MAPK10: variants seen among roughly 807,000 people sequenced by gnomAD.
MAPK10 encodes JNK3 alpha protein kinase.
A neutral mutation model predicts 59.3 loss-of-function variants in MAPK10; 25 were observed. The ratio of observed to expected loss-of-function variants is 0.42; its 90% CI spans 0.31 to 0.59. The LOEUF (loss-of-function observed/expected upper bound fraction) is 0.59. Ranked by LOEUF, MAPK10 falls within the 20% of genes least tolerant of loss-of-function variation. The pLI, the probability that MAPK10 is intolerant of heterozygous loss-of-function variation, is 0.15. For synonymous variants in MAPK10, 190 were observed against 200.5 expected (o/e 0.95, Z 0.44); for missense variants, 351 against 568.9 (o/e 0.62, Z 3.90).
chr4:86,485,521 G>T (rs979680177), intron 1 of MAPK10, among the ~76,000 whole-genome samples: 2 of 152,146 alleles, frequency 1.3e-5, no homozygotes, highest in African/African-American at 4.8e-5. Context: ...CAGATGAATT[G>T]TGAAAGAATG....
intron 2 of MAPK10, among the ~76,000 whole-genome samples, chr4:86,339,544 T>A (rs532861243): frequency 6.6e-6 from 1 of 152,360 alleles, no homozygotes; most frequent in Non-Finnish European, 1.5e-5. Flanking sequence ...AACAGTCTAA[T>A]TTTCTTTTCC....
At chr4:86,373,150 C>A (rs574745163) in intron 1 of MAPK10, among the ~76,000 whole-genome samples, 3 of 152,232 alleles carry the variant, frequency 2.0e-5, no homozygotes, top group African/African-American at 7.2e-5. Flanking sequence ...CAAAAATAAG[C>A]AAAGGGGAAA....
At chr4:86,191,146 A>C (rs1446354584) in intron 3 of MAPK10, among the ~76,000 whole-genome samples, 1 of 152,194 alleles carries the variant, frequency 6.6e-6, no homozygotes, top group African/African-American at 2.4e-5. Context: ...GCATTTGCTG[A>C]GGAGTGTTTT....
chr4:86,266,591 T>C (rs2094246262), intron 2 of MAPK10, among the ~76,000 whole-genome samples: 1 of 152,152 alleles, frequency 6.6e-6, no homozygotes, highest in Non-Finnish European at 1.5e-5. Context: ...GTACACATCA[T>C]AAAAATATCC....
intron 2 of MAPK10, among the ~76,000 whole-genome samples, chr4:86,213,812 T>A (rs1008277451): frequency 2.0e-5 from 3 of 152,096 alleles, no homozygotes; most frequent in Non-Finnish European, 4.4e-5. Context: ...CTAACTCCAA[T>A]TATTTTCAAA....
intron 11 of MAPK10, among the ~76,000 whole-genome samples, chr4:86,046,281 T>C (rs1579110444): frequency 6.6e-6 from 1 of 151,340 alleles, no homozygotes; most frequent in East Asian, 2.0e-4. Flanking sequence ...GTCTTCCTAT[T>C]TGAATACGCT....
intron 9 of MAPK10, among the ~76,000 whole-genome samples, chr4:86,072,826 T>C (rs1425648680): frequency 1.1e-5 from 1 of 91,848 alleles, no homozygotes; most frequent in Non-Finnish European, 2.1e-5. Context: ...TGCATCGATG[T>C]TCATCGAGGA....
chr4:86,254,792 A>C (rs2093630372), intron 2 of MAPK10, among the ~76,000 whole-genome samples: 1 of 151,326 alleles, frequency 6.6e-6, no homozygotes, highest in East Asian at 1.9e-4. Context: ...GTCTCCCATT[A>C]TTAATGTGTG....
At position 86,398,552 on chromosome 4, in the gene MAPK10, T is replaced by A. The variant is rs557304770; in HGVS notation, c.-121-43908A>T. Among the ~76,000 whole-genome samples the A allele has an allele frequency of 1.2e-4, 19 of 152,318 alleles. No individual in the cohort carries two copies. The South Asian group carries it at 3.9e-3, about 32-fold the overall frequency. Reference sequence around the variant, plus strand: ...GGATGAATTCAAGTCAAAAGATTCTTACTTACCGCACATTTTTCTTACAAT... The same window carrying A: ...GGATGAATTCAAGTCAAAAGATTCTAACTTACCGCACATTTTTCTTACAAT... On this transcript the variant is annotated intron_variant, in intron 1 of 13. Transcript: ENST00000361569.
At chr4:86,221,201 A>T (rs1035328096) in intron 2 of MAPK10, among the ~76,000 whole-genome samples, 1 of 152,176 alleles carries the variant, frequency 6.6e-6, no homozygotes, top group African/African-American at 2.4e-5. Context: ...GGACCAAACT[A>T]AACAGAAGTG....
At chr4:86,349,334 T>A (rs1378790486) in intron 2 of MAPK10, among the ~76,000 whole-genome samples, 2 of 152,246 alleles carry the variant, frequency 1.3e-5, no homozygotes, top group East Asian at 1.9e-4. Context: ...TTTTTCTTCA[T>A]GTGTCTGTCT....
chr4:86,297,983 G>A (rs908447859), intron 2 of MAPK10, among the ~76,000 whole-genome samples: 1 of 152,114 alleles, frequency 6.6e-6, no homozygotes, highest in Non-Finnish European at 1.5e-5. Flanking sequence ...CTCTTTGAAC[G>A]CTTGTGCTTC....
chr4:86,224,161 T>G (rs1032116615), intron 2 of MAPK10, among the ~76,000 whole-genome samples: 1 of 152,206 alleles, frequency 6.6e-6, no homozygotes, highest in African/African-American at 2.4e-5. Context: ...AATGTTTTCA[T>G]GTAAAAAATA....
chr4:86,206,195 G>C (rs559776288), intron 2 of MAPK10, among the ~76,000 whole-genome samples: 3 of 146,776 alleles, frequency 2.0e-5, no homozygotes, highest in East Asian at 2.0e-4. Flanking sequence ...TCCCTCCCCC[G>C]TCCCCCCACC....
In MAPK10 at chr4:86,216,295, C is replaced by CACATACAT. The variant is rs376432598; in HGVS notation, c.-6-21889_-6-21888insATGTATGT. ...ATAGCACACACACATATATATATAGCATATATATATATATATATATATAGC... is the reference window on the plus strand; with the variant it reads ...ATAGCACACACACATATATATATAGCACATACATATATATATATATATATATATATAGC... On this transcript the variant is annotated intron_variant, in intron 2 of 13. Coordinates refer to ENST00000641462, the MANE Select transcript of MAPK10 (RefSeq NM_138982.4). Among the ~76,000 whole-genome samples the CACATACAT allele has an allele frequency of 3.3e-3, 428 of 131,152 alleles. 4 individuals are homozygous for CACATACAT. The highest frequency in any genetic ancestry group is 0.011 in the African/African-American group (358 of 31,376). The allele number at this position is 131,152 out of a possible 152,430, so 86.0% of individuals were successfully genotyped here.
At chr4:86,436,542 T>C (rs931962225) in intron 1 of MAPK10, among the ~76,000 whole-genome samples, 12 of 152,172 alleles carry the variant, frequency 7.9e-5, no homozygotes, top group African/African-American at 2.7e-4. Context: ...GTTTTTTAAA[T>C]TTTCATATTC....
intron 2 of MAPK10, among the ~76,000 whole-genome samples, chr4:86,212,055 T>A (rs2085969009): frequency 6.6e-6 from 1 of 152,090 alleles, no homozygotes; most frequent in African/African-American, 2.4e-5. Context: ...CTCTGAGTCA[T>A]ACAGAAAACA....
intron 2 of MAPK10, among the ~76,000 whole-genome samples, chr4:86,312,732 T>C (rs1329093020): frequency 6.6e-6 from 1 of 151,930 alleles, no homozygotes; most frequent in East Asian, 1.9e-4. Flanking sequence ...ACACTAGGAG[T>C]GTTTTGTAAT....
chr4:86,310,289 C>G (rs898457870), intron 2 of MAPK10, among the ~76,000 whole-genome samples: 1 of 152,170 alleles, frequency 6.6e-6, no homozygotes, highest in African/African-American at 2.4e-5. Flanking sequence ...GAGGCTGTGT[C>G]ACAGGCCCAT....
Sources: allele counts gnomAD v4.1 joint callset (sites outside exome capture counted in the v4.1 genomes callset), GRCh38; gene constraint gnomAD v4.1.1; transcripts MANE v1.5; gene names NCBI Gene and HGNC (gene_info 2026-07-23, HGNC 2026-07-21).